IQSEC3: variants seen among roughly 807,000 people sequenced by gnomAD.
The protein encoded by IQSEC3 is IQ motif and SEC7 domain-containing protein 3.
Under a neutral mutation model 105.4 loss-of-function variants are expected in IQSEC3, and 50 were observed. The ratio of observed to expected loss-of-function variants is 0.47; its 90% CI spans 0.38 to 0.60. IQSEC3 has a LOEUF of 0.60. Ranked by LOEUF, IQSEC3 falls within the 20% of genes least tolerant of loss-of-function variation. The pLI is 0.00. For synonymous variants in IQSEC3, 708 were observed against 746.0 expected, an observed-to-expected ratio of 0.95 and a Z score of 0.83; for missense variants, 1,415 against 1,630.0, an observed-to-expected ratio of 0.87 and a Z score of 2.27.
At chr12:166,594 C>T (rs1433516070) in intron 11 of IQSEC3, among the ~76,000 whole-genome samples, 4 of 152,060 alleles carry the variant, frequency 2.6e-5, no homozygotes, top group Admixed American at 1.3e-4. Flanking sequence ...ATCACGGAGG[C>T]GCCAGATAGC....
intron 6 of IQSEC3, 61 bp from the exon 7 acceptor site, chr12:157,467 T>C (rs1394070419): frequency 1.2e-5 from 14 of 1,175,926 alleles, no homozygotes; most frequent in Non-Finnish European, 1.6e-5. Flanking sequence ...CCTTCCTTTG[T>C]TGGGCCCGGG....
chr12:171,759 G>A (rs781787098), intron 13 of IQSEC3, among the ~76,000 whole-genome samples: 6 of 152,212 alleles, frequency 3.9e-5, no homozygotes, highest in African/African-American at 1.4e-4. Flanking sequence ...GCGCAGGGAT[G>A]TGTGTGCAAA....
At position 163,546 on chromosome 12, in the gene IQSEC3, T is replaced by G; in HGVS notation, c.2636T>G (p.Val879Gly). The G allele has an allele frequency of 6.2e-7, 1 of 1,611,736 alleles. No homozygotes were observed. The highest frequency in any genetic ancestry group is 8.5e-7 in the Non-Finnish European group (1 of 1,179,370). Residue 879 changes from valine to glycine, a missense_variant, in exon 9 of 14, where the codon GTG becomes GGG. Around this residue, in one of 6 missense-constraint regions of IQSEC3, gnomAD observed 419 missense variants for 436.2 expected, o/e 0.96. Coordinates refer to ENST00000538872, the MANE Select transcript of IQSEC3 (RefSeq NM_001170738.2). Reference protein sequence around the residue: ...RLVCCSRLFEVTDVNKLQKQA... With the variant: ...RLVCCSRLFEGTDVNKLQKQA... ...GTGTGCTGCAGCCGGCTCTTCGAGG[T>G]GACGGATGTGAACAAGCTGCAGAAG...
intron 13 of IQSEC3, among the ~76,000 whole-genome samples, chr12:173,967 T>G (rs1267014369): frequency 1.3e-5 from 2 of 152,186 alleles, no homozygotes; most frequent in African/African-American, 2.4e-5. Context: ...GGACCCAGCT[T>G]GGGCCAGAAT....
intron 1 of IQSEC3, among the ~76,000 whole-genome samples, chr12:94,694 C>A (rs1430019455): frequency 6.6e-6 from 1 of 152,230 alleles, no homozygotes; most frequent in African/African-American, 2.4e-5. Context: ...CCTGGGAGGA[C>A]CAGCAGGTGC....
intron 5 of IQSEC3, among the ~76,000 whole-genome samples, chr12:154,166 C>T (rs1406706923): frequency 4.6e-5 from 7 of 152,342 alleles, no homozygotes; most frequent in South Asian, 4.1e-4. Flanking sequence ...TCCCCCATCC[C>T]GGTCCTTGGC....
intron 2 of IQSEC3, among the ~76,000 whole-genome samples, chr12:119,294 T>G (rs145312652): frequency 6.6e-6 from 1 of 152,142 alleles, no homozygotes; most frequent in Non-Finnish European, 1.5e-5. Flanking sequence ...GGCACTCTTC[T>G]CAGCATATGG....
At chr12:155,351 C>G (rs187650817) in intron 5 of IQSEC3, among the ~76,000 whole-genome samples, 1 of 152,228 alleles carries the variant, frequency 6.6e-6, no homozygotes, top group East Asian at 1.9e-4. Flanking sequence ...GGCCAGCAAG[C>G]CTGAGAGGAG....
chr12:85,184 C>A (rs1335220848), intron 1 of IQSEC3, among the ~76,000 whole-genome samples: 1 of 152,198 alleles, frequency 6.6e-6, no homozygotes, highest in African/African-American at 2.4e-5. Flanking sequence ...AGAAACACTG[C>A]GTGCCCACAG....
chr12:166,622 A>G (rs910279679), intron 11 of IQSEC3, among the ~76,000 whole-genome samples: 2 of 152,208 alleles, frequency 1.3e-5, no homozygotes, highest in African/African-American at 4.8e-5. Context: ...GGAAGACTAA[A>G]TAAGAACAGA....
intron 2 of IQSEC3, among the ~76,000 whole-genome samples, chr12:102,715 G>C (rs1408911919): frequency 6.6e-6 from 1 of 152,202 alleles, no homozygotes; most frequent in Non-Finnish European, 1.5e-5. Flanking sequence ...CTTGGGGCTG[G>C]GAGCCGGACA....
In IQSEC3 at chr12:76,246, C is replaced by A. The variant is rs142895355; in HGVS notation, c.554+8810C>A. On this transcript the variant is annotated intron_variant, in intron 1 of 13. Transcript: ENST00000538872. ...GAAAAGAGAGGAAAGAGCTGGATTC[C>A]GGGGTCATGAACCAGCAGCACCCAG... Among the ~76,000 whole-genome samples, 440 of 152,304 alleles carry A rather than the reference C, an allele frequency of 2.9e-3. 1 individual carries two copies. The highest frequency in any genetic ancestry group is 0.01 in the African/African-American group (422 of 41,518).
At chr12:165,922 G>A (rs1386291422) in intron 11 of IQSEC3, 32 bp downstream of exon 11, 9 of 1,605,136 alleles carry the variant, frequency 5.6e-6, no homozygotes, top group Non-Finnish European at 7.7e-6. Flanking sequence ...GCAGCTGGTG[G>A]GGGTTCCCAT....
At chr12:96,974 A>C (rs553143798) in intron 1 of IQSEC3, among the ~76,000 whole-genome samples, 2 of 152,360 alleles carry the variant, frequency 1.3e-5, no homozygotes, top group East Asian at 3.9e-4. Context: ...CATAGTTAGC[A>C]GTCTTTTTAA....
At chr12:111,416 G>A (rs186060875) in intron 2 of IQSEC3, among the ~76,000 whole-genome samples, 10 of 152,236 alleles carry the variant, frequency 6.6e-5, no homozygotes, top group Non-Finnish European at 7.4e-5. Flanking sequence ...CGGACTATTT[G>A]GGGGAATGTC....
At chr12:170,604 C>T (rs2137069035) in intron 12 of IQSEC3, among the ~76,000 whole-genome samples, 1 of 152,364 alleles carries the variant, frequency 6.6e-6, no homozygotes, top group South Asian at 2.1e-4. Context: ...GCTGCTGTGC[C>T]AGGCCGGCCA....
chr12:107,412 T>C (rs932365324), intron 2 of IQSEC3, among the ~76,000 whole-genome samples: 38 of 134,642 alleles, frequency 2.8e-4, no homozygotes, highest in Non-Finnish European at 1.4e-4. Flanking sequence ...CTTTTTTTTT[T>C]TTTTTTTTTT....
At chr12:122,252 C>T (rs782508135) in intron 2 of IQSEC3, among the ~76,000 whole-genome samples, 25 of 152,192 alleles carry the variant, frequency 1.6e-4, no homozygotes, top group Non-Finnish European at 2.8e-4. Flanking sequence ...CCGGCCTCTG[C>T]CCTGGGATTC....
In IQSEC3 at chr12:162,094, G is replaced by A. The variant is rs117938962; in HGVS notation, c.2583+29G>A. 2.4e-4 allele frequency: 381 copies of A among 1,608,748 alleles called. 5 individuals are homozygous for A. The East Asian group carries it at 6.6e-3, about 28-fold the overall frequency. ...AGTGTCCACAAGCTACCTATCTCCC[G>A]TCTCCTTTCCTTTCTTTCTTCCTGG... On this transcript the variant is annotated intron_variant, in intron 8 of 13. Coordinates refer to ENST00000538872, the MANE Select transcript of IQSEC3 (RefSeq NM_001170738.2).
Sources: gnomAD v4.1 joint callset for allele counts (sites outside exome capture counted in the v4.1 genomes callset) on GRCh38, gnomAD v4.1.1 for gene constraint, gnomAD v4.1.1 regional missense constraint, MANE v1.5 for transcripts, NCBI Gene and HGNC (gene_info 2026-07-23, HGNC 2026-07-21) for gene names.